Variants in INSC observed in about 807,000 individuals in gnomAD.
INSC encodes protein inscuteable homolog.
INSC carries 67 observed loss-of-function variants against 58.6 expected under a neutral mutation model. The ratio of observed to expected loss-of-function variants is 1.14; its 90% CI spans 0.94 to 1.40. The LOEUF is 1.40. INSC is among the 40% of genes most tolerant of loss of function. The pLI is 0.00. For missense variants in INSC, 714 were observed against 692.0 expected, an observed-to-expected ratio of 1.03 and a Z score of -0.36; for synonymous variants, 262 against 276.1, an observed-to-expected ratio of 0.95 and a Z score of 0.51.
chr11:15,213,718 G>A (rs59051679), intron 7 of INSC, among the ~76,000 whole-genome samples: 3,074 of 152,172 alleles, frequency 0.02, 117 homozygotes, highest in African/African-American at 0.072. Context: ...TGACTTGCCT[G>A]CCAAACTGGT....
the INSC span, among the ~76,000 whole-genome samples, chr11:15,253,905 G>A: frequency 6.6e-6 from 1 of 152,124 alleles, no homozygotes; most frequent in African/African-American, 2.4e-5. Context: ...TATGTTCTGG[G>A]TAAGAAGTCA....
At chr11:15,127,723 G>A (rs373915883) in intron 1 of INSC, among the ~76,000 whole-genome samples, 18 of 152,144 alleles carry the variant, frequency 1.2e-4, no homozygotes, top group East Asian at 5.8e-4. Flanking sequence ...TATGCCCTTC[G>A]GGGTAGCAGT....
intron 2 of INSC, among the ~76,000 whole-genome samples, chr11:15,167,684 A>G (rs1445441449): frequency 2.6e-5 from 4 of 151,828 alleles, no homozygotes; most frequent in Non-Finnish European, 5.9e-5. Context: ...GGGTATCGCT[A>G]TGTTGCTCAG....
intron 5 of INSC, among the ~76,000 whole-genome samples, chr11:15,183,246 G>A (rs569162497): frequency 5.3e-5 from 8 of 151,386 alleles, no homozygotes; most frequent in African/African-American, 1.9e-4. Flanking sequence ...AGCTATTTGG[G>A]AGCCTGAGGC....
chr11:15,135,951 T>C (rs888096357), intron 1 of INSC, among the ~76,000 whole-genome samples: 3 of 152,158 alleles, frequency 2.0e-5, no homozygotes, highest in African/African-American at 7.2e-5. Context: ...GAAGGAAGAC[T>C]AGATGCTCAC....
At chr11:15,115,991 G>A (rs1847683776) in intron 1 of INSC, among the ~76,000 whole-genome samples, 1 of 152,102 alleles carries the variant, frequency 6.6e-6, no homozygotes, top group Admixed American at 6.5e-5. Context: ...CCTCAGTGGG[G>A]AATATTTTAA....
In INSC at chr11:15,134,046, T is replaced by C. The variant is rs1346144062; in HGVS notation, c.-45-15084T>C. Among the ~76,000 whole-genome samples the C allele has an allele frequency of 2.6e-5, 4 of 152,132 alleles. No individual in the cohort carries two copies. In the East Asian group the frequency reaches 5.8e-4, roughly 22 times the overall value. ...GGTAAGTCTTCATCCTCATCCAGCA[T>C]GTTAGCTGTGTACCTTAGAAAATTA... is the stretch of plus-strand genomic sequence containing the variant. On this transcript the variant is annotated intron_variant, in intron 1 of 12. Transcript: ENST00000379556.
chr11:15,256,407 A>G, the INSC span, among the ~76,000 whole-genome samples: 1 of 152,180 alleles, frequency 6.6e-6, no homozygotes, highest in Admixed American at 6.5e-5. Flanking sequence ...TGAGAAATGT[A>G]TCACATAATC....
intron 2 of INSC, 57 bp downstream of exon 2, chr11:15,149,287 G>A: frequency 1.4e-6 from 2 of 1,403,846 alleles, no homozygotes; most frequent in Non-Finnish European, 1.9e-6. Context: ...CCGTGACTGA[G>A]GCCCAGTTCC....
At chr11:15,220,726 ACTGTAAGCACATG>A (rs1851404856) in intron 7 of INSC, among the ~76,000 whole-genome samples, 1 of 152,208 alleles carries the variant, frequency 6.6e-6, no homozygotes. Context: ...TACCTGGCAC[ACTGTAAGCACATG>A]CTCAGCAGAA....
In INSC at chr11:15,240,453, C is replaced by G; in HGVS notation, c.1400C>G (p.Ser467Cys). The change falls in exon 12 of 13, where the codon TCC becomes TGC. Residue 467 changes from serine to cysteine, a missense_variant. Transcript: ENST00000379556. ...CTCCCTGTGTCTCCTACAGGCATGT[C>G]CCGTCTCATCGAGCTCTGCAGATCC... Reference protein sequence around the residue: ...AREAVRLSCMSRLIELCRSPS... With the variant: ...AREAVRLSCMCRLIELCRSPS... 6.2e-7 allele frequency: 1 copy of G among 1,613,798 alleles called. No individual in the cohort carries two copies. Among genetic ancestry groups the G allele is most frequent in the Non-Finnish European group, 8.5e-7 (1 of 1,179,848 alleles).
chr11:15,262,157 A>G, the INSC span, among the ~76,000 whole-genome samples: 1 of 152,100 alleles, frequency 6.6e-6, no homozygotes, highest in Non-Finnish European at 1.5e-5. Context: ...TATCTTGCAG[A>G]AGGGCAAGGT....
intron 5 of INSC, among the ~76,000 whole-genome samples, chr11:15,180,182 T>C (rs7924590): frequency 0.055 from 8,423 of 152,024 alleles, 788 homozygotes; most frequent in African/African-American, 0.19. Flanking sequence ...GGTGTGAACC[T>C]GGGAGGCGGA....
intron 3 of INSC, among the ~76,000 whole-genome samples, chr11:15,176,343 G>A (rs1028786845): frequency 6.6e-6 from 1 of 152,054 alleles, no homozygotes; most frequent in Non-Finnish European, 1.5e-5. Context: ...ACTTTGAGAA[G>A]CTGTGCAGTG....
chr11:15,114,665 C>T (rs974201046), upstream of INSC, among the ~76,000 whole-genome samples: 7 of 152,200 alleles, frequency 4.6e-5, no homozygotes, highest in Non-Finnish European at 8.8e-5. Context: ...GGCCTGACCG[C>T]GTCCCCATTC....
intron 9 of INSC, among the ~76,000 whole-genome samples, chr11:15,229,948 T>TA (rs1307282416): frequency 4.0e-5 from 1 of 24,954 alleles, no homozygotes; most frequent in African/African-American, 1.3e-4. Flanking sequence ...ATATATAATA[T>TA]TATATATATA....
Position 15,182,057 on chromosome 11 carries a change from T to C in INSC, c.579+3610T>C, listed in dbSNP as rs570876616. ...GTAGTCCAGGCTGTCTCTTCAATAA[T>C]GGGAGGGGTTCCTTCAGGACTTCTC... On this transcript the variant is annotated intron_variant, in intron 5 of 12. Transcript: ENST00000379556. 1.5e-3 allele frequency among the ~76,000 whole-genome samples: 231 copies of C among 152,280 alleles called. 1 individual carries two copies. Among genetic ancestry groups the C allele is most frequent in the Non-Finnish European group, 2.0e-3 (136 of 68,022 alleles).
intron 12 of INSC, among the ~76,000 whole-genome samples, chr11:15,245,235 C>A (rs1397781953): frequency 2.0e-5 from 3 of 152,036 alleles, no homozygotes; most frequent in African/African-American, 7.2e-5. Flanking sequence ...ATTGGGGAAG[C>A]CTTCATGGGG....
chr11:15,199,415 G>T (rs1233694666), intron 6 of INSC, among the ~76,000 whole-genome samples: 1 of 152,170 alleles, frequency 6.6e-6, no homozygotes, highest in South Asian at 2.1e-4. Flanking sequence ...GAATGAAAAG[G>T]GCGCATGAGC....
Sources: allele counts gnomAD v4.1 joint callset (sites outside exome capture counted in the v4.1 genomes callset), GRCh38; gene constraint gnomAD v4.1.1; transcripts MANE v1.5; gene names NCBI Gene and HGNC (gene_info 2026-07-23, HGNC 2026-07-21).